The following CAMKK1 variants were observed in gnomAD, a reference collection of about 807,000 sequenced individuals.
CAMKK1 encodes calcium/calmodulin dependent protein kinase kinase 1.
In CAMKK1, 20 loss-of-function variants were observed where a neutral mutation model predicts 63.5. The observed-to-expected ratio is 0.32, with a 90% CI of 0.22 to 0.46. The LOEUF (loss-of-function observed/expected upper bound fraction) is 0.46, where lower values mean the gene tolerates loss of function less well. Ranked by LOEUF, CAMKK1 falls within the 20% of genes least tolerant of loss-of-function variation. The pLI is 1.00. For missense variants in CAMKK1, 588 were observed against 658.1 expected (o/e 0.89, Z 1.17); for synonymous variants, 253 against 269.0 (o/e 0.94, Z 0.58).
At chr17:3,869,953 C>T in intron 12 of CAMKK1, 65 bp from the exon 13 acceptor site, 4 of 1,339,360 alleles carry the variant, frequency 3.0e-6, no homozygotes. Context: ...CTGTCCACCT[C>T]TCTTCCCGAA....
chr17:3,880,137 T>A (rs1209699190), intron 9 of CAMKK1: 8 of 582,014 alleles, frequency 1.4e-5, no homozygotes, highest in Non-Finnish European at 3.1e-6. Flanking sequence ...CGACGAAGGA[T>A]CTGGCACATG....
rs1289512239 is a variant in CAMKK1 at position 3,884,221 on chromosome 17, C to A, written c.408+159G>T. Among the ~76,000 whole-genome samples the A allele has an allele frequency of 6.6e-6, 1 of 152,150 alleles. No homozygotes were observed. The highest frequency in any genetic ancestry group is 1.5e-5 in the Non-Finnish European group (1 of 68,020). ...ATCAGGAGCCATCTTCCACCCTCCC[C>A]CTGGGTACCTGGGTACTTCCCACAG... On this transcript the variant is annotated intron_variant, in intron 3 of 15. Transcript: ENST00000348335. The surrounding 1 kb of genome is among the most constrained non-coding windows in gnomAD (Gnocchi z 4.5).
At chr17:3,867,164 C>A (rs966473649) in intron 14 of CAMKK1, among the ~76,000 whole-genome samples, 14 of 152,170 alleles carry the variant, frequency 9.2e-5, no homozygotes, top group Admixed American at 9.2e-4. Flanking sequence ...GCTGAAGCTA[C>A]AGGGTCAGGG....
At chr17:3,870,176 C>T (rs555067598) in intron 12 of CAMKK1, among the ~76,000 whole-genome samples, 54 of 152,182 alleles carry the variant, frequency 3.5e-4, no homozygotes, top group African/African-American at 1.2e-3. Context: ...GACCCACTCA[C>T]CACCTCGTCC....
chr17:3,888,725 T>C (rs2055768496), intron 1 of CAMKK1, among the ~76,000 whole-genome samples: 1 of 151,056 alleles, frequency 6.6e-6, no homozygotes, highest in Non-Finnish European at 1.5e-5. Flanking sequence ...AGGCTCCCCA[T>C]CCCTCCCTCC....
chr17:3,890,567 T>C lies in CAMKK1; in HGVS notation c.-44+2372A>G, dbSNP rs958982808. On this transcript the variant is annotated intron_variant, in intron 1 of 15. Coordinates refer to ENST00000348335, the MANE Select transcript of CAMKK1 (RefSeq NM_032294.3). The surrounding 1 kb of genome is among the most constrained non-coding windows in gnomAD (Gnocchi z 6.5). ...CCAAACCTGCTCGTCCTCCTCTGTC[T>C]CCATTGCGAGACGGGTACCACACCC... 1.3e-4 allele frequency: 96 copies of C among 757,666 alleles called. No homozygotes were observed. Among genetic ancestry groups the C allele is most frequent in the Non-Finnish European group, 2.2e-5 (9 of 404,586 alleles). The allele number at this position is 757,666 out of a possible 1,614,324, so 46.9% of individuals were successfully genotyped here. A position where few individuals can be genotyped will look rare whatever the true frequency, so the allele number is the denominator to read the frequency against.
Position 3,892,312 on chromosome 17 carries a change from C to G in CAMKK1, c.-44+627G>C, listed in dbSNP as rs1196615192. 1.3e-5 allele frequency among the ~76,000 whole-genome samples: 2 copies of G among 152,118 alleles called. No individual in the cohort carries two copies. Among genetic ancestry groups the G allele is most frequent in the East Asian group, 3.9e-4 (2 of 5,186 alleles). On this transcript the variant is annotated intron_variant, in intron 1 of 15. Transcript: ENST00000348335. This position sits in a 1 kb window ranked among gnomAD's most constrained non-coding sequence, Gnocchi z 7.5. The stretch of plus-strand genomic sequence containing the variant: ...AGACACAGGCACACTCCCGCGTCCA[C>G]GTGACACACGCACACCCGCCTCCAA...
In CAMKK1 at chr17:3,882,352, TG is replaced by T; in HGVS notation, c.685+175del. 1 of 1,613,708 alleles carries T rather than the reference TG, an allele frequency of 6.2e-7. No individual in the cohort carries two copies. The highest frequency in any genetic ancestry group is 8.5e-7 in the Non-Finnish European group (1 of 1,179,864). ...ATTTGTTGAATCTAACTGGATATTC[TG>T]GGCCTGGTTCTGCAGGGCTGGGCAA... On this transcript the variant is annotated intron_variant, in intron 7 of 15. Transcript: ENST00000348335. This position sits in a 1 kb window ranked among gnomAD's most constrained non-coding sequence, Gnocchi z 4.3.
At chr17:3,885,090 C>T (rs2055585735) in intron 2 of CAMKK1, among the ~76,000 whole-genome samples, 1 of 152,192 alleles carries the variant, frequency 6.6e-6, no homozygotes, top group African/African-American at 2.4e-5. Context: ...CAGGGAGAGA[C>T]CTATTTCCTA....
intron 14 of CAMKK1, among the ~76,000 whole-genome samples, 196 bp downstream of exon 14, chr17:3,869,291 C>T (rs2054729709): frequency 6.6e-6 from 1 of 152,200 alleles, no homozygotes; most frequent in Non-Finnish European, 1.5e-5. Context: ...AGTCACTCTC[C>T]TCACCAAGCC....
chr17:3,883,440 T>C lies in CAMKK1; in HGVS notation c.503A>G (p.Tyr168Cys). 2.5e-6 allele frequency: 4 copies of C among 1,613,886 alleles called. No individual in the cohort carries two copies. The highest frequency in any genetic ancestry group is 1.1e-5 in the South Asian group (1 of 91,086). ...VLSKKKLLKQ[Y>C]GFPRRPPPRG... ...CAGAAGATACATACGTGGAAAGCCA[T>C]ACTGCTTCAGTAACTTCTTTTTGGA... Residue 168 changes from tyrosine (Y) to cysteine (C), a missense_variant, in exon 5 of 16, where the codon TAT becomes TGT. Physicochemically the swap from Tyr to Cys is radical, Grantham distance 194 (BLOSUM62 -2). Coordinates refer to ENST00000348335, the MANE Select transcript of CAMKK1 (RefSeq NM_032294.3). The surrounding 1 kb of genome is among the most constrained non-coding windows in gnomAD (Gnocchi z 4.7).
At chr17:3,881,090 G>A (rs1401275473) in intron 8 of CAMKK1, among the ~76,000 whole-genome samples, 1 of 152,182 alleles carries the variant, frequency 6.6e-6, no homozygotes, top group Non-Finnish European at 1.5e-5. Context: ...ATTACTCCAT[G>A]TCATCTGCTC....
At chr17:3,871,394 G>A (rs756506882) in intron 12 of CAMKK1, among the ~76,000 whole-genome samples, 13 of 119,084 alleles carry the variant, frequency 1.1e-4, no homozygotes, top group Non-Finnish European at 1.8e-4. Flanking sequence ...TCGCTCTGTC[G>A]CCCAGGCTGG....
chr17:3,869,523 C>A lies in CAMKK1; in HGVS notation c.1305G>T (p.Lys435Asn), dbSNP rs746107831. 2.0e-5 allele frequency: 32 copies of A among 1,614,118 alleles called. No homozygotes were observed. The highest frequency in any genetic ancestry group is 2.5e-5 in the Non-Finnish European group (30 of 1,180,042). The change falls in exon 14 of 16, where the codon AAG becomes AAT. Residue 435 changes from lysine (K) to asparagine (N), a missense_variant. By Grantham distance (94) the Lys-to-Asn change is moderately conservative. Around this residue, in one of 3 missense-constraint regions of CAMKK1, gnomAD observed 226 missense variants for 229.2 expected, o/e 0.99. Transcript: ENST00000348335. Reference protein sequence around the residue: ...SVVEVTEEEVKNSVRLIPSWT... With the variant: ...SVVEVTEEEVNNSVRLIPSWT... ...AGCTGGGGATGAGCCTGACTGAGTT[C>A]TTAACCTCCTCCTCTGTCACCTCCA... is the stretch of plus-strand genomic sequence containing the variant.
In CAMKK1 at chr17:3,860,444, A is replaced by G. The variant is rs2054304267; in HGVS notation, c.*1767T>C. On this transcript the variant is annotated 3_prime_UTR_variant, in exon 16 of 16. Transcript: ENST00000348335. ...GCTACATTCAAAAACAACGATGCCA[A>G]CCAAAACCCTCAGTGACAGGGTGAG... 6.6e-6 allele frequency: 1 copy of G among 152,666 alleles called. No homozygotes were observed. Among genetic ancestry groups the G allele is most frequent in the South Asian group, 2.1e-4 (1 of 4,834 alleles). The allele number at this position is 152,666 out of a possible 1,614,324, so 9.5% of individuals were successfully genotyped here.
At position 3,882,491 on chromosome 17, in the gene CAMKK1, T is replaced by A; in HGVS notation, c.685+37A>T. ...CCCAAGGGAGCCCTTGGGCCAGCCCTGAGTGAGCTGCTGTGGGAATGAGCC... is the reference window on the plus strand; with the variant it reads ...CCCAAGGGAGCCCTTGGGCCAGCCCAGAGTGAGCTGCTGTGGGAATGAGCC... On this transcript the variant is annotated intron_variant, in intron 7 of 15. Transcript: ENST00000348335. This position sits in a 1 kb window ranked among gnomAD's most constrained non-coding sequence, Gnocchi z 4.3. 1 of 1,599,850 alleles carries A rather than the reference T, an allele frequency of 6.3e-7. No individual in the cohort carries two copies. The highest frequency in any genetic ancestry group is 8.5e-7 in the Non-Finnish European group (1 of 1,172,292).
chr17:3,886,209 C>T (rs562770261), intron 1 of CAMKK1, among the ~76,000 whole-genome samples: 94 of 152,298 alleles, frequency 6.2e-4, no homozygotes, highest in Non-Finnish European at 1.2e-3. Context: ...ATGCTTCAGA[C>T]CCACCCGCCT....
intron 9 of CAMKK1, 66 bp downstream of exon 9, chr17:3,880,280 C>T (rs889229968): frequency 1.4e-5 from 19 of 1,380,854 alleles, no homozygotes; most frequent in Non-Finnish European, 1.7e-5. Flanking sequence ...GTCTGCTCAG[C>T]CTGGGCTCTG....
chr17:3,871,312 TTTTTTTGTTTGTTG>T (rs2054836269), intron 12 of CAMKK1, among the ~76,000 whole-genome samples: 5 of 151,076 alleles, frequency 3.3e-5, no homozygotes, highest in Admixed American at 6.6e-5. Context: ...TTTCATTTTC[TTTTTTTGTTTGTTG>T]TTTTTTGTTT....
Sources: gnomAD v4.1 joint callset for allele counts (sites outside exome capture counted in the v4.1 genomes callset) on GRCh38, gnomAD v4.1.1 for gene constraint, gnomAD v4.1.1 regional missense constraint, Gnocchi (gnomAD v3.1) non-coding constraint, MANE v1.5 for transcripts, NCBI Gene and HGNC (gene_info 2026-07-23, HGNC 2026-07-21) for gene names.